Variants in STAG1 observed in about 807,000 individuals in gnomAD.
STAG1 encodes the protein cohesin subunit SA-1.
A neutral mutation model predicts 170.9 loss-of-function variants in STAG1; 26 were observed. The observed-to-expected ratio is 0.15, with a 90% CI of 0.11 to 0.21. The LOEUF is 0.21. STAG1 is among the 10% of genes least tolerant of loss of function. STAG1 has a pLI of 1.00. For synonymous variants in STAG1, 514 were observed against 497.7 expected, an observed-to-expected ratio of 1.03 and a Z score of -0.44; for missense variants, 964 against 1,509.5, an observed-to-expected ratio of 0.64 and a Z score of 5.99.
chr3:136,739,844 T>C (rs1025215770), intron 1 of STAG1, among the ~76,000 whole-genome samples: 3 of 151,394 alleles, frequency 2.0e-5, no homozygotes, highest in African/African-American at 4.8e-5. Flanking sequence ...AATAATTATA[T>C]ACATATATAC....
chr3:136,707,251 C>A (rs1038788362), intron 1 of STAG1, among the ~76,000 whole-genome samples: 4 of 152,110 alleles, frequency 2.6e-5, no homozygotes, highest in African/African-American at 9.7e-5. Flanking sequence ...AGGACATTAT[C>A]AAGAAAGTTA....
chr3:136,680,695 G>A (rs1942303141), intron 1 of STAG1, among the ~76,000 whole-genome samples: 1 of 151,410 alleles, frequency 6.6e-6, no homozygotes, highest in Admixed American at 6.6e-5. Context: ...AAGGATGAAA[G>A]ATTTACACTT....
intron 1 of STAG1, among the ~76,000 whole-genome samples, chr3:136,745,449 G>A (rs778411026): frequency 3.9e-5 from 6 of 152,172 alleles, no homozygotes; most frequent in Non-Finnish European, 7.4e-5. Context: ...ATTTTTCCAC[G>A]GATGGGGTGG....
chr3:136,425,336 T>A (rs991283804), intron 16 of STAG1, among the ~76,000 whole-genome samples: 5 of 152,154 alleles, frequency 3.3e-5, no homozygotes, highest in African/African-American at 1.2e-4. Context: ...AAGTATAGTA[T>A]CTTTGGTAAA....
chr3:136,536,677 G>C (rs60633957), intron 6 of STAG1, among the ~76,000 whole-genome samples: 1 of 148,774 alleles, frequency 6.7e-6, no homozygotes, highest in East Asian at 2.0e-4. Context: ...CTCCAGCCTG[G>C]GGGTGACAGA....
At chr3:136,678,342 TAAAA>T (rs1388087522) in intron 1 of STAG1, among the ~76,000 whole-genome samples, 1 of 151,278 alleles carries the variant, frequency 6.6e-6, no homozygotes, top group East Asian at 1.9e-4. Context: ...AATATATAAA[TAAAA>T]TAGTACCCAA....
At chr3:136,556,397 G>A (rs1255917692) in intron 5 of STAG1, among the ~76,000 whole-genome samples, 4 of 152,144 alleles carry the variant, frequency 2.6e-5, no homozygotes, top group Admixed American at 2.0e-4. Flanking sequence ...CATTTAGTGG[G>A]TAGAGGCCAG....
At chr3:136,543,339 T>TAG (rs1377070897) in intron 5 of STAG1, among the ~76,000 whole-genome samples, 1 of 152,202 alleles carries the variant, frequency 6.6e-6, no homozygotes, top group Non-Finnish European at 1.5e-5. Context: ...GGCATTTGTA[T>TAG]AGTCCTTATC....
At chr3:136,553,678 G>C (rs1936497056) in intron 5 of STAG1, among the ~76,000 whole-genome samples, 1 of 152,236 alleles carries the variant, frequency 6.6e-6, no homozygotes, top group Non-Finnish European at 1.5e-5. Context: ...GGAGGCTGAG[G>C]CAGGGGAATC....
rs1292157540 is a variant in STAG1, at chr3:136,463,705, C to A, written c.1313+1176G>T. ...CCAGCCTGGGCAAGACAGCAAGACCCCATCTCTCTAAAAAAAAAAAAATGT... is the reference window on the plus strand; with the variant it reads ...CCAGCCTGGGCAAGACAGCAAGACCACATCTCTCTAAAAAAAAAAAAATGT... On this transcript the variant is annotated intron_variant, in intron 13 of 33. Transcript: ENST00000383202. Among the ~76,000 whole-genome samples the A allele has an allele frequency of 2.9e-5, 4 of 138,824 alleles. No homozygotes were observed. The East Asian group carries it at 8.8e-4, about 31-fold the overall frequency. 91.1% of individuals were successfully genotyped at this position (138,824 alleles called of 152,430 possible).
chr3:136,666,400 A>C (rs1026770543), intron 1 of STAG1, among the ~76,000 whole-genome samples: 1 of 152,198 alleles, frequency 6.6e-6, no homozygotes, highest in African/African-American at 2.4e-5. Flanking sequence ...AAGCTTCTAA[A>C]TTTGTGGTAA....
At chr3:136,544,957 C>A (rs114419922) in intron 5 of STAG1, among the ~76,000 whole-genome samples, 1 of 152,042 alleles carries the variant, frequency 6.6e-6, no homozygotes, top group Non-Finnish European at 1.5e-5. Context: ...TGGATTATAG[C>A]GCCTTAATAA....
chr3:136,463,949 TCTA>T (rs1271463151), intron 13 of STAG1, among the ~76,000 whole-genome samples: 1 of 149,344 alleles, frequency 6.7e-6, no homozygotes, highest in Non-Finnish European at 1.5e-5. Flanking sequence ...AATGAGTTAA[TCTA>T]CTAATCAATT....
intron 1 of STAG1, among the ~76,000 whole-genome samples, chr3:136,675,953 C>T (rs1942116904): frequency 6.6e-6 from 1 of 152,174 alleles, no homozygotes; most frequent in African/African-American, 2.4e-5. Flanking sequence ...AATGTACTTA[C>T]ACAAATGTAG....
chr3:136,585,956 T>C (rs983556718), intron 4 of STAG1, among the ~76,000 whole-genome samples: 9 of 152,164 alleles, frequency 5.9e-5, no homozygotes, highest in South Asian at 4.1e-4. Context: ...ACCAAATTTA[T>C]TGAGAAAGAA....
chr3:136,634,155 AAAT>A (rs916789744), intron 1 of STAG1, among the ~76,000 whole-genome samples: 2 of 151,366 alleles, frequency 1.3e-5, no homozygotes, highest in Admixed American at 6.6e-5. Flanking sequence ...AATAATAAAT[AAAT>A]AAACATAAAA....
intron 4 of STAG1, among the ~76,000 whole-genome samples, chr3:136,597,155 AT>A (rs1337926425): frequency 6.6e-6 from 1 of 152,132 alleles, no homozygotes; most frequent in Non-Finnish European, 1.5e-5. Flanking sequence ...TGGGATTTTT[AT>A]TTTTTTGTTA....
intron 4 of STAG1, among the ~76,000 whole-genome samples, chr3:136,595,336 T>G (rs1938374620): frequency 6.6e-6 from 1 of 152,148 alleles, no homozygotes; most frequent in African/African-American, 2.4e-5. Flanking sequence ...AGGGACCACC[T>G]TAGATTACTT....
chr3:136,419,184 T>A (rs1451868990), intron 20 of STAG1, among the ~76,000 whole-genome samples: 2 of 152,196 alleles, frequency 1.3e-5, no homozygotes, highest in Non-Finnish European at 2.9e-5. Flanking sequence ...CTGACACTAG[T>A]AACTTCTGTT....
Sources: gnomAD v4.1 joint callset for allele counts (sites outside exome capture counted in the v4.1 genomes callset) on GRCh38, gnomAD v4.1.1 for gene constraint, MANE v1.5 for transcripts, NCBI Gene and HGNC (gene_info 2026-07-23, HGNC 2026-07-21) for gene names.